Variants in ZNF644 observed in about 807,000 individuals in gnomAD.
ZNF644 encodes zinc finger protein 644.
A neutral mutation model predicts 108.0 loss-of-function variants in ZNF644; 20 were observed. The ratio of observed to expected loss-of-function variants is 0.19; its 90% CI spans 0.13 to 0.27. ZNF644 has a LOEUF of 0.27. Ranked by LOEUF, ZNF644 falls within the 10% of genes least tolerant of loss-of-function variation. ZNF644 has a pLI of 1.00. For synonymous variants in ZNF644, 542 were observed against 539.1 expected, an observed-to-expected ratio of 1.01 and a Z score of -0.08; for missense variants, 1,338 against 1,548.9, an observed-to-expected ratio of 0.86 and a Z score of 2.29.
chr1:90,920,050 G>C (rs1041946848), intron 4 of ZNF644, among the ~76,000 whole-genome samples: 2 of 151,930 alleles, frequency 1.3e-5, no homozygotes, highest in Non-Finnish European at 2.9e-5. Context: ...TAATCGCTTT[G>C]GTGAGCAATC....
Position 90,996,138 on chromosome 1 carries a change from T to C in ZNF644, c.-17-13768A>G, listed in dbSNP as rs147873980. 3.1e-4 allele frequency among the ~76,000 whole-genome samples: 47 copies of C among 152,132 alleles called. 1 individual carries two copies. In the East Asian group the frequency reaches 7.1e-3, roughly 23 times the overall value. On this transcript the variant is annotated intron_variant, in intron 1 of 5. Coordinates refer to ENST00000337393, the MANE Select transcript of ZNF644 (RefSeq NM_201269.3). ...GAATCAGGGAAATGCAAAATAAAAA[T>C]CACTACGAGATAACCCTACATACCC...
Position 90,940,646 on chromosome 1 carries a change from A to G in ZNF644, c.708T>C (p.Asp236=). 1 of 1,614,012 alleles carries G rather than the reference A, an allele frequency of 6.2e-7. No individual in the cohort carries two copies. The highest frequency in any genetic ancestry group is 8.5e-7 in the Non-Finnish European group (1 of 1,179,968). Residue 236 remains aspartate (D), a synonymous_variant, in exon 3 of 6, where the codon GAT becomes GAC. Coordinates refer to ENST00000337393, the MANE Select transcript of ZNF644 (RefSeq NM_201269.3). ...AAATTCCCGTTACTGTATTGACACA[A>G]TCATCTTTCACCAATAAATCTTCAC... is the stretch of plus-strand genomic sequence containing the variant. The part of the protein sequence containing the change: ...EDGEDLLVKD[D]CVNTVTGISS...
intron 4 of ZNF644, among the ~76,000 whole-genome samples, chr1:90,934,811 T>C (rs933290234): frequency 2.6e-5 from 4 of 152,212 alleles, no homozygotes; most frequent in African/African-American, 9.6e-5. Flanking sequence ...TATAGACTAA[T>C]GAAAATTCAT....
chr1:90,920,232 C>G (rs1383337109), intron 4 of ZNF644, among the ~76,000 whole-genome samples: 1 of 151,940 alleles, frequency 6.6e-6, no homozygotes, highest in African/African-American at 2.4e-5. Context: ...CAGGTAGAAT[C>G]TTACTTTGAT....
chr1:91,020,384 G>A (rs1166473536), intron 1 of ZNF644: 2 of 152,144 alleles, frequency 1.3e-5, no homozygotes, highest in African/African-American at 4.8e-5. Context: ...AAAACATTAG[G>A]TGTTTCAAAA....
At chr1:90,959,590 T>C (rs1227286903) in intron 2 of ZNF644, among the ~76,000 whole-genome samples, 3 of 152,094 alleles carry the variant, frequency 2.0e-5, no homozygotes, top group East Asian at 1.9e-4. Flanking sequence ...ATGCTACAAC[T>C]TGCCAAGTAA....
At chr1:90,991,269 C>T (rs599308) in intron 1 of ZNF644, among the ~76,000 whole-genome samples, 228 of 152,254 alleles carry the variant, frequency 1.5e-3, no homozygotes, top group Middle Eastern at 0.014. Flanking sequence ...ATTAGTAAGA[C>T]CAACCATACC....
In ZNF644 at chr1:90,975,596, C is replaced by A. The variant is rs924812824; in HGVS notation, c.44+6714G>T. The stretch of plus-strand genomic sequence containing the variant: ...GGGATTACAGGTGCCTGCCACCACA[C>A]CCAAATAATGCTAATTTTTGCATTT... On this transcript the variant is annotated intron_variant, in intron 2 of 5. Transcript: ENST00000337393. Among the ~76,000 whole-genome samples, 5 of 152,216 alleles carry A rather than the reference C, an allele frequency of 3.3e-5. 1 individual carries two copies. The highest frequency in any genetic ancestry group is 1.2e-4 in the African/African-American group (5 of 41,540).
chr1:90,974,662 T>TC (rs1261146178), intron 2 of ZNF644, among the ~76,000 whole-genome samples: 2 of 152,154 alleles, frequency 1.3e-5, no homozygotes, highest in Non-Finnish European at 2.9e-5. Context: ...CAACCACATC[T>TC]TTCTATCCCC....
intron 2 of ZNF644, among the ~76,000 whole-genome samples, chr1:90,977,693 G>A (rs1422082454): frequency 6.6e-6 from 1 of 152,118 alleles, no homozygotes; most frequent in East Asian, 1.9e-4. Flanking sequence ...AGAAGTTAAA[G>A]GGCACATATC....
At chr1:90,923,917 G>C (rs2100808718) in intron 4 of ZNF644, among the ~76,000 whole-genome samples, 2 of 152,272 alleles carry the variant, frequency 1.3e-5, no homozygotes, top group South Asian at 4.1e-4. Context: ...TTCAGAGAAA[G>C]AGTTAAAGGA....
At chr1:90,943,301 C>T (rs545232972) in intron 2 of ZNF644, among the ~76,000 whole-genome samples, 2 of 151,886 alleles carry the variant, frequency 1.3e-5, no homozygotes, top group Admixed American at 6.6e-5. Flanking sequence ...ATTAGCCAGG[C>T]GTGGTGGTGG....
intron 4 of ZNF644, among the ~76,000 whole-genome samples, chr1:90,928,319 A>AT (rs58051560): frequency 0.018 from 1,711 of 95,828 alleles, 29 homozygotes; most frequent in Middle Eastern, 0.038. Flanking sequence ...CACTGGGCTG[A>AT]TTTTTTTTTT....
chr1:90,948,009 T>C (rs1652698116), intron 2 of ZNF644, among the ~76,000 whole-genome samples: 2 of 152,222 alleles, frequency 1.3e-5, no homozygotes, highest in South Asian at 2.1e-4. Context: ...TAAATGAAAA[T>C]AGAGACAATT....
At chr1:90,995,208 A>G (rs1433860853) in intron 1 of ZNF644, among the ~76,000 whole-genome samples, 3 of 152,164 alleles carry the variant, frequency 2.0e-5, no homozygotes, top group Non-Finnish European at 1.5e-5. Flanking sequence ...ATTGACAGAA[A>G]CTTAAAAAAA....
At position 91,000,094 on chromosome 1, in the gene ZNF644, C is replaced by T. The variant is rs138090409; in HGVS notation, c.-17-17724G>A. ...ACTCCCACACAATAATAAAGGGAGACTTTAGCACCCCACTGTCAACATTAG... is the reference window on the plus strand; with the variant it reads ...ACTCCCACACAATAATAAAGGGAGATTTTAGCACCCCACTGTCAACATTAG... On this transcript the variant is annotated intron_variant, in intron 1 of 5. Coordinates refer to ENST00000337393, the MANE Select transcript of ZNF644 (RefSeq NM_201269.3). Among the ~76,000 whole-genome samples, 1,267 of 152,270 alleles carry T rather than the reference C, an allele frequency of 8.3e-3. 9 individuals are homozygous for T. The highest frequency in any genetic ancestry group is 0.014 in the Non-Finnish European group (977 of 68,024).
intron 4 of ZNF644, among the ~76,000 whole-genome samples, chr1:90,933,567 G>A (rs751619838): frequency 6.6e-6 from 1 of 152,114 alleles, no homozygotes; most frequent in African/African-American, 2.4e-5. Context: ...GGGAGGCTGA[G>A]GCAGGGGAAT....
intron 2 of ZNF644, among the ~76,000 whole-genome samples, chr1:90,973,957 C>T (rs889459739): frequency 2.0e-4 from 30 of 151,998 alleles, no homozygotes; most frequent in African/African-American, 6.0e-4. Context: ...ATTTTTTTCT[C>T]CCCTGAAGTA....
At chr1:90,988,067 G>A (rs1173522910) in intron 1 of ZNF644, among the ~76,000 whole-genome samples, 1 of 151,844 alleles carries the variant, frequency 6.6e-6, no homozygotes, top group Non-Finnish European at 1.5e-5. Context: ...AGAGCAATTA[G>A]ACAAGAAAAA....
Sources: gnomAD v4.1 joint callset for allele counts (sites outside exome capture counted in the v4.1 genomes callset) on GRCh38, gnomAD v4.1.1 for gene constraint, MANE v1.5 for transcripts, NCBI Gene and HGNC (gene_info 2026-07-23, HGNC 2026-07-21) for gene names.